Variants in FAM153A observed in about 807,000 individuals in gnomAD.
FAM153A encodes the protein family with sequence similarity 153 member A.
Under a neutral mutation model 48.1 loss-of-function variants are expected in FAM153A, and 12 were observed. That is an observed-to-expected ratio of 0.25 (90% CI 0.16 to 0.40). The LOEUF (loss-of-function observed/expected upper bound fraction) is 0.40. Among genes scored for constraint, FAM153A ranks in the 10% least tolerant of loss-of-function variants. The probability of loss-of-function intolerance (pLI) is 1.00; values close to 1 mark genes in which losing one functional copy is unlikely to be tolerated. For missense variants in FAM153A, 111 were observed against 345.8 expected, an observed-to-expected ratio of 0.32 and a Z score of 5.38; for synonymous variants, 36 against 118.2, an observed-to-expected ratio of 0.30 and a Z score of 4.51.
At position 177,741,255 on chromosome 5, in the gene FAM153A, C is replaced by T. The variant is rs765993602; in HGVS notation, c.441+1G>A. On this transcript the variant is annotated splice_donor_variant, in intron 7 of 20. Coordinates refer to ENST00000614127, the Ensembl canonical transcript of FAM153A. LOFTEE classifies it high-confidence loss of function. ...CCTCAGATAAACAAAAAAGACTTTA[C>T]CTTCACAGAGCCTGGCAACGTCTCC... 3 of 525,250 alleles carry T rather than the reference C, an allele frequency of 5.7e-6. No homozygotes were observed. The Admixed American group carries it at 1.5e-4, about 27-fold the overall frequency. 32.5% of individuals were successfully genotyped at this position (525,250 alleles called of 1,614,324 possible).
intron 10 of FAM153A, 37 bp downstream of exon 12, chr5:177,739,076 T>A (rs777261628): frequency 6.2e-7 from 1 of 1,611,080 alleles, no homozygotes; most frequent in Non-Finnish European, 8.5e-7. Flanking sequence ...AACACTAAGA[T>A]TTTTCCTTAG....
downstream of FAM153A, among the ~76,000 whole-genome samples, chr5:177,709,485 C>T (rs977486773): frequency 4.0e-5 from 6 of 148,752 alleles, no homozygotes; most frequent in Admixed American, 2.7e-4. Flanking sequence ...CCTCAGCCTC[C>T]CGAATAGCTG....
chr5:177,755,461 T>C (rs574519001), upstream of FAM153A, among the ~76,000 whole-genome samples: 27 of 151,878 alleles, frequency 1.8e-4, 1 homozygote, highest in African/African-American at 5.8e-4. Context: ...CAGGCCAACA[T>C]TCAAATTCAG....
At chr5:177,698,823 A>T in the FAM153A span, among the ~76,000 whole-genome samples, 1 of 151,186 alleles carries the variant, frequency 6.6e-6, no homozygotes, top group Non-Finnish European at 1.5e-5. Context: ...ATGCCTGGCT[A>T]ATTTTTGTAT....
rs1275566606 is a variant in FAM153A at position 177,730,199 on chromosome 5, A to G, written c.863-644T>C. ...TGCTCCTCATGCTCACACTGACTCC[A>G]GCACTGGGACAGCCTGTCATGGGGA... On this transcript the variant is annotated intron_variant, in intron 16 of 20. Transcript: ENST00000614127. Among the ~76,000 whole-genome samples, 3 of 112,088 alleles carry G rather than the reference A, an allele frequency of 2.7e-5. 1 individual carries two copies. The highest frequency in any genetic ancestry group is 9.8e-5 in the Admixed American group (1 of 10,202). The allele number at this position is 112,088 out of a possible 152,430, so 73.5% of individuals were successfully genotyped here.
Position 177,752,618 on chromosome 5 carries a change from CAAAAAAAAA to C in FAM153A, c.31+549_31+557del, listed in dbSNP as rs71274705. 3.9e-4 allele frequency among the ~76,000 whole-genome samples: 12 copies of C among 31,016 alleles called. No homozygotes were observed. In the South Asian group the frequency reaches 0.017, roughly 45 times the overall value. The allele number at this position is 31,016 out of a possible 152,430, so 20.3% of individuals were successfully genotyped here. A position where few individuals can be genotyped will look rare whatever the true frequency, so the allele number is the denominator to read the frequency against. On this transcript the variant is annotated intron_variant, in intron 1 of 20. Transcript: ENST00000614127. Reference sequence around the variant, plus strand: ...CCTGGGTGACAGAATGAGACTCTGCCAAAAAAAAAAAAAAAAAAAAAAAAGAAAAGTCCA... The same window carrying C: ...CCTGGGTGACAGAATGAGACTCTGCCAAAAAAAAAAAAAAAGAAAAGTCCA...
downstream of FAM153A, among the ~76,000 whole-genome samples, chr5:177,710,542 G>A (rs931129579): frequency 7.3e-5 from 11 of 151,236 alleles, no homozygotes; most frequent in Admixed American, 4.6e-4. Flanking sequence ...TTTGTGATCC[G>A]TGTTCAAAAT....
upstream of FAM153A, among the ~76,000 whole-genome samples, chr5:177,755,229 G>C (rs965582403): frequency 2.6e-5 from 4 of 151,848 alleles, no homozygotes; most frequent in African/African-American, 9.7e-5. Context: ...AGAAGAAAGG[G>C]TATCAGTGAT....
chr5:177,700,820 T>TG, the FAM153A span, among the ~76,000 whole-genome samples: 1 of 151,740 alleles, frequency 6.6e-6, no homozygotes, highest in Non-Finnish European at 1.5e-5. Flanking sequence ...ACACCTCAGT[T>TG]GCAGGATACA....
chr5:177,753,227 T>C (rs1277309765), upstream of FAM153A: 2 of 1,605,236 alleles, frequency 1.2e-6, no homozygotes, highest in African/African-American at 1.4e-5. Flanking sequence ...CTGAGACAAC[T>C]AAGCTGCGTT....
chr5:177,721,993 A>AG (rs1356133727), downstream of FAM153A: 3 of 151,792 alleles, frequency 2.0e-5, no homozygotes, highest in African/African-American at 7.3e-5. Context: ...ACAAAAACTT[A>AG]AAACCGAGTA....
At chr5:177,760,235 C>CTTTT (rs56901584) in intron 1 of FAM153A, among the ~76,000 whole-genome samples, 2 of 96,216 alleles carry the variant, frequency 2.1e-5, no homozygotes, top group Non-Finnish European at 2.0e-5. Flanking sequence ...TGGGAAAGAC[C>CTTTT]TTTTTTTTTT....
At chr5:177,728,475 C>A (rs1476512637) in intron 18 of FAM153A, among the ~76,000 whole-genome samples, 1 of 148,790 alleles carries the variant, frequency 6.7e-6, no homozygotes, top group Non-Finnish European at 1.5e-5. Flanking sequence ...TGATGTACTA[C>A]CCCACCTTAC....
At chr5:177,719,084 A>G (rs922535790), downstream of FAM153A, among the ~76,000 whole-genome samples, 5 of 150,834 alleles carry the variant, frequency 3.3e-5, no homozygotes, top group Admixed American at 1.3e-4. Flanking sequence ...GGGTTGTCCC[A>G]TGTTGTCCAG....
intron 14 of FAM153A, among the ~76,000 whole-genome samples, chr5:177,733,468 CA>C (rs1764182099): frequency 7.4e-6 from 1 of 136,044 alleles, no homozygotes; most frequent in Non-Finnish European, 1.6e-5. Context: ...TGAAACTCTA[CA>C]TGACCCTGGA....
intron 18 of FAM153A, among the ~76,000 whole-genome samples, chr5:177,728,675 C>A (rs193277521): frequency 6.7e-6 from 1 of 150,122 alleles, no homozygotes; most frequent in African/African-American, 2.5e-5. Context: ...TCAGGTGATT[C>A]TCCTGCCTTG....
At chr5:177,721,997 C>CAA (rs1460221484), downstream of FAM153A, 3 of 151,562 alleles carry the variant, frequency 2.0e-5, no homozygotes, top group African/African-American at 7.3e-5. Context: ...AAACTTAAAA[C>CAA]CGAGTAAACA....
chr5:177,741,410 C>T lies in FAM153A; in HGVS notation c.365-78G>A, dbSNP rs1317711139. ...CAGGCAGACTTGTGTGCTAAAAACA[C>T]GGGGCTGGCACATGTAGACAAGGGG... On this transcript the variant is annotated intron_variant, in intron 6 of 20. Coordinates refer to ENST00000614127, the Ensembl canonical transcript of FAM153A. The T allele has an allele frequency of 5.8e-5, 44 of 752,166 alleles. 8 individuals carry two copies. Among genetic ancestry groups the T allele is most frequent in the African/African-American group, 4.8e-4 (20 of 41,592 alleles). The allele number at this position is 752,166 out of a possible 1,614,324, so 46.6% of individuals were successfully genotyped here. A position where few individuals can be genotyped will look rare whatever the true frequency, so the allele number is the denominator to read the frequency against.
intron 18 of FAM153A, among the ~76,000 whole-genome samples, chr5:177,725,642 A>G (rs1762274813): frequency 6.6e-6 from 1 of 151,344 alleles, no homozygotes; most frequent in African/African-American, 2.5e-5. Context: ...CACAGAGAAC[A>G]ATCTGGGCCT....
Sources: gnomAD v4.1 joint callset for allele counts (sites outside exome capture counted in the v4.1 genomes callset) on GRCh38, gnomAD v4.1.1 for gene constraint, MANE v1.5 for transcripts, NCBI Gene and HGNC (gene_info 2026-07-23, HGNC 2026-07-21) for gene names.